CLASP1: variants seen among roughly 807,000 people sequenced by gnomAD.
CLASP1 encodes the protein cytoplasmic linker associated protein 1, also known as CLIP-associating protein 1.
Under a neutral mutation model 192.3 loss-of-function variants are expected in CLASP1, and 38 were observed. That is an observed-to-expected ratio of 0.20 (90% CI 0.15 to 0.26). The LOEUF (loss-of-function observed/expected upper bound fraction) is 0.26. Among genes scored for constraint, CLASP1 ranks in the 10% least tolerant of loss-of-function variants. The pLI, the probability that CLASP1 is intolerant of heterozygous loss-of-function variation, is 1.00. For synonymous variants in CLASP1, 691 were observed against 712.8 expected, an observed-to-expected ratio of 0.97 and a Z score of 0.49; for missense variants, 1,433 against 1,932.5, an observed-to-expected ratio of 0.74 and a Z score of 4.85.
chr2:121,449,054 G>A (rs373457336), exon 17 of CLASP1: 7 of 1,613,816 alleles, frequency 4.3e-6, no homozygotes, highest in African/African-American at 4.0e-5. Context: ...TCTGGTAGGA[G>A]GACTCCAAGG....
At chr2:121,413,802 T>C (rs900640684) in intron 23 of CLASP1, among the ~76,000 whole-genome samples, 5 of 152,200 alleles carry the variant, frequency 3.3e-5, no homozygotes, top group Non-Finnish European at 7.3e-5. Context: ...ATCTGTTGGA[T>C]GATATCCATG....
At chr2:121,391,035 A>C (rs1163368572) in intron 30 of CLASP1, among the ~76,000 whole-genome samples, 2 of 152,216 alleles carry the variant, frequency 1.3e-5, no homozygotes, top group African/African-American at 2.4e-5. Context: ...GTTGACATAA[A>C]CATGGCTATA....
At chr2:121,644,729 G>A (rs1163104203) in intron 1 of CLASP1, among the ~76,000 whole-genome samples, 3 of 152,112 alleles carry the variant, frequency 2.0e-5, no homozygotes, top group African/African-American at 7.2e-5. Flanking sequence ...GATCACTTGA[G>A]CCCAGCAGTT....
At chr2:121,402,548 T>C (rs763949779) in intron 26 of CLASP1, 1 of 513,568 alleles carries the variant, frequency 1.9e-6, no homozygotes, top group Non-Finnish European at 3.9e-6. Flanking sequence ...TGGCTTCACT[T>C]ACAGGCAGCT....
intron 8 of CLASP1, among the ~76,000 whole-genome samples, chr2:121,492,297 T>G (rs1026295875): frequency 1.4e-5 from 2 of 140,636 alleles, no homozygotes; most frequent in African/African-American, 5.4e-5. Flanking sequence ...GCTGAGGCAG[T>G]AGAATGGTGA....
At chr2:121,529,237 G>GA (rs1019843145) in intron 3 of CLASP1, among the ~76,000 whole-genome samples, 3 of 152,248 alleles carry the variant, frequency 2.0e-5, no homozygotes, top group African/African-American at 7.2e-5. Context: ...ACACACATGA[G>GA]ACAGAGCCCA....
intron 30 of CLASP1, among the ~76,000 whole-genome samples, chr2:121,396,886 A>C (rs2075368766): frequency 6.6e-6 from 1 of 152,226 alleles, no homozygotes; most frequent in South Asian, 2.1e-4. Flanking sequence ...AAAAGACACT[A>C]ATTTACTAGT....
chr2:121,490,170 T>A, intron 8 of CLASP1: 1 of 364,622 alleles, frequency 2.7e-6, no homozygotes, highest in East Asian at 8.9e-5. Context: ...CCATGTTTCA[T>A]CCATGATTTT....
intron 1 of CLASP1, among the ~76,000 whole-genome samples, chr2:121,618,687 TAA>T (rs759969352): frequency 6.6e-6 from 1 of 152,152 alleles, no homozygotes; most frequent in South Asian, 2.1e-4. Flanking sequence ...AAAAATAATA[TAA>T]AAAGTGTTTC....
intron 8 of CLASP1, among the ~76,000 whole-genome samples, chr2:121,487,130 T>C (rs1461092043): frequency 6.6e-6 from 1 of 152,080 alleles, no homozygotes; most frequent in East Asian, 1.9e-4. Context: ...TCCCCTCCTA[T>C]CTCCCACCAG....
chr2:121,450,097 C>T (rs766325157), intron 16 of CLASP1, among the ~76,000 whole-genome samples: 4 of 152,076 alleles, frequency 2.6e-5, no homozygotes, highest in African/African-American at 4.8e-5. Context: ...TTTGGGAGGC[C>T]GAGGCGGGTG....
intron 8 of CLASP1, among the ~76,000 whole-genome samples, chr2:121,486,044 G>A (rs1319619327): frequency 6.6e-6 from 1 of 152,198 alleles, no homozygotes; most frequent in Non-Finnish European, 1.5e-5. Context: ...TGCATTCTAA[G>A]TGAGAATAAT....
rs915796366 is a variant in CLASP1, at chr2:121,448,164, A to C, written c.1741+112T>G. ...GCAGAGCAGGCAACATTCAAGCCTAAGAAGGAACTGAGGGCAGGCCGTTGG... is the reference window on the plus strand; with the variant it reads ...GCAGAGCAGGCAACATTCAAGCCTACGAAGGAACTGAGGGCAGGCCGTTGG... On this transcript the variant is annotated intron_variant, in intron 18 of 39. Coordinates refer to ENST00000263710, the Ensembl canonical transcript of CLASP1. The C allele has an allele frequency of 9.1e-6, 8 of 880,018 alleles. No individual in the cohort carries two copies. The Admixed American group carries it at 1.5e-4, about 17-fold the overall frequency. 54.5% of individuals were successfully genotyped at this position (880,018 alleles called of 1,614,324 possible).
chr2:121,486,331 G>C (rs1347714250), intron 8 of CLASP1, among the ~76,000 whole-genome samples: 3 of 152,166 alleles, frequency 2.0e-5, no homozygotes, highest in Non-Finnish European at 2.9e-5. Flanking sequence ...ACTAAGGGAT[G>C]TGAATAAAGT....
intron 19 of CLASP1, among the ~76,000 whole-genome samples, chr2:121,431,996 T>C (rs866558064): frequency 6.6e-6 from 1 of 152,152 alleles, no homozygotes; most frequent in Non-Finnish European, 1.5e-5. Context: ...AAATGCCTGA[T>C]TGTTTATCAA....
chr2:121,474,576 C>A (rs996351885), intron 8 of CLASP1, among the ~76,000 whole-genome samples: 1 of 152,042 alleles, frequency 6.6e-6, no homozygotes, highest in East Asian at 1.9e-4. Context: ...CTCTACTAAA[C>A]ATACAAAAAA....
chr2:121,362,324 A>G (rs1333625950), intron 37 of CLASP1, among the ~76,000 whole-genome samples: 1 of 152,216 alleles, frequency 6.6e-6, no homozygotes, highest in Non-Finnish European at 1.5e-5. Flanking sequence ...GTAGGCTTCT[A>G]GCCACTTGAA....
At chr2:121,344,109 C>T (rs1042246557) in intron 39 of CLASP1, among the ~76,000 whole-genome samples, 1 of 151,610 alleles carries the variant, frequency 6.6e-6, no homozygotes, top group Non-Finnish European at 1.5e-5. Flanking sequence ...TATTATACCA[C>T]AATAAAAAGA....
chr2:121,572,573 G>A (rs1410481373), intron 2 of CLASP1, among the ~76,000 whole-genome samples: 2 of 152,102 alleles, frequency 1.3e-5, no homozygotes, highest in African/African-American at 2.4e-5. Context: ...TGTGTGCTGG[G>A]AAAGAGGAAC....
Sources: gnomAD v4.1 joint callset for allele counts (sites outside exome capture counted in the v4.1 genomes callset) on GRCh38, gnomAD v4.1.1 for gene constraint, MANE v1.5 for transcripts, NCBI Gene and HGNC (gene_info 2026-07-23, HGNC 2026-07-21) for gene names.